The following ERBB4 variants were observed in gnomAD, a reference collection of about 807,000 sequenced individuals.
The protein encoded by ERBB4 is receptor tyrosine-protein kinase erbB-4.
ERBB4 carries 42 observed loss-of-function variants against 158.0 expected under a neutral mutation model. The ratio of observed to expected loss-of-function variants is 0.27; its 90% confidence interval spans 0.21 to 0.34. The LOEUF is 0.34. ERBB4 is among the 10% of genes least tolerant of loss of function. ERBB4 has a pLI of 1.00. For missense variants in ERBB4, 1,333 were observed against 1,624.1 expected, an observed-to-expected ratio of 0.82 and a Z score of 3.08; for synonymous variants, 583 against 558.7, an observed-to-expected ratio of 1.04 and a Z score of -0.61.
At chr2:212,411,362 C>T (rs969580178) in intron 1 of ERBB4, among the ~76,000 whole-genome samples, 3 of 151,858 alleles carry the variant, frequency 2.0e-5, no homozygotes, top group East Asian at 1.9e-4. Context: ...TTAGAAATTC[C>T]CATTATATTT....
intron 3 of ERBB4, among the ~76,000 whole-genome samples, chr2:211,807,630 ACG>A: frequency 6.6e-6 from 1 of 152,210 alleles, no homozygotes. Context: ...TTACAGTAGC[ACG>A]ATGTATAATC....
At chr2:211,549,158 C>T (rs2067016139) in intron 20 of ERBB4, among the ~76,000 whole-genome samples, 1 of 151,900 alleles carries the variant, frequency 6.6e-6, no homozygotes, top group African/African-American at 2.4e-5. Flanking sequence ...ATCTGGGCTC[C>T]CTATGTGGAA....
chr2:212,155,768 A>G (rs2081017760), intron 1 of ERBB4, among the ~76,000 whole-genome samples: 1 of 152,160 alleles, frequency 6.6e-6, no homozygotes, highest in African/African-American at 2.4e-5. Flanking sequence ...GTCATCAATA[A>G]ATAATCACAG....
chr2:212,438,703 C>T (rs2092189506), intron 1 of ERBB4, among the ~76,000 whole-genome samples: 1 of 152,016 alleles, frequency 6.6e-6, no homozygotes, highest in African/African-American at 2.4e-5. Flanking sequence ...TCCTTAGCTT[C>T]CCGTTAATCT....
intron 20 of ERBB4, among the ~76,000 whole-genome samples, chr2:211,445,267 A>AC (rs933044962): frequency 7.2e-5 from 11 of 152,158 alleles, no homozygotes; most frequent in African/African-American, 2.7e-4. Context: ...ATCAATTGGG[A>AC]TACTATAATA....
intron 19 of ERBB4, among the ~76,000 whole-genome samples, chr2:211,605,161 G>C (rs1268993328): frequency 6.6e-6 from 1 of 152,058 alleles, no homozygotes; most frequent in Non-Finnish European, 1.5e-5. Context: ...CTCTGATATT[G>C]TTTTATGAAG....
intron 2 of ERBB4, among the ~76,000 whole-genome samples, chr2:212,044,690 C>A (rs924436274): frequency 3.3e-5 from 5 of 152,092 alleles, no homozygotes; most frequent in Non-Finnish European, 2.9e-5. Flanking sequence ...GGATGCAATG[C>A]TTATTGTTGG....
intron 3 of ERBB4, among the ~76,000 whole-genome samples, chr2:211,905,050 A>G (rs1689836567): frequency 6.6e-6 from 1 of 152,128 alleles, no homozygotes; most frequent in Non-Finnish European, 1.5e-5. Context: ...AAAAAACAGC[A>G]CAAACTTACC....
At chr2:212,148,680 A>T (rs887872665) in intron 1 of ERBB4, among the ~76,000 whole-genome samples, 3 of 152,048 alleles carry the variant, frequency 2.0e-5, no homozygotes, top group African/African-American at 7.2e-5. Context: ...AAAATAAAGG[A>T]CTATAAATCA....
rs566255990 is a variant in ERBB4, at chr2:211,632,616, T to TTTGTTTGTTGTTTGTTG, written c.1947-2023_1947-2022insCAACAAACAACAAACAA. Among the ~76,000 whole-genome samples the TTTGTTTGTTGTTTGTTG allele has an allele frequency of 2.5e-5, 3 of 118,236 alleles. No homozygotes were observed. The South Asian group carries it at 7.7e-4, about 31-fold the overall frequency. The allele number at this position is 118,236 out of a possible 152,430, so 77.6% of individuals were successfully genotyped here. On this transcript the variant is annotated intron_variant, in intron 16 of 27. Transcript: ENST00000342788. ...AGAAAACGCTCTATTTTGTTTTTTG[T>TTTGTTTGTTGTTTGTTG]TTGTTTCTTTGTTTGTTGTTGTTGT...
chr2:211,785,295 G>T (rs898510885), intron 4 of ERBB4, among the ~76,000 whole-genome samples: 4 of 151,970 alleles, frequency 2.6e-5, no homozygotes, highest in Admixed American at 2.6e-4. Flanking sequence ...TAGAGGCGGG[G>T]TTTCACCGTG....
At chr2:211,920,872 CAG>C (rs2079840620) in intron 3 of ERBB4, among the ~76,000 whole-genome samples, 1 of 151,814 alleles carries the variant, frequency 6.6e-6, no homozygotes, top group African/African-American at 2.4e-5. Context: ...CTTTGAACAA[CAG>C]AGTGTGTTAA....
chr2:212,171,310 G>T lies in ERBB4; in HGVS notation c.83-46407C>A, dbSNP rs146248564. 2.7e-3 allele frequency among the ~76,000 whole-genome samples: 391 copies of T among 143,436 alleles called. 2 individuals carry two copies. Among genetic ancestry groups the T allele is most frequent in the South Asian group, 5.7e-3 (26 of 4,536 alleles). The allele number at this position is 143,436 out of a possible 152,430, so 94.1% of individuals were successfully genotyped here. A position where few individuals can be genotyped will look rare whatever the true frequency, so the allele number is the denominator to read the frequency against. ...ATGCCCATACCCCCATTGTATCTTGGAAGTAACTAACTTGTTTTTTTTTTA... is the reference window on the plus strand; with the variant it reads ...ATGCCCATACCCCCATTGTATCTTGTAAGTAACTAACTTGTTTTTTTTTTA... On this transcript the variant is annotated intron_variant, in intron 1 of 27. Coordinates refer to ENST00000342788, the MANE Select transcript of ERBB4 (RefSeq NM_005235.3).
chr2:211,472,681 TTCAA>T (rs2064856933), intron 20 of ERBB4, among the ~76,000 whole-genome samples: 1 of 151,964 alleles, frequency 6.6e-6, no homozygotes, highest in Non-Finnish European at 1.5e-5. Flanking sequence ...TTACTTATTC[TTCAA>T]TCAGTCACAT....
intron 1 of ERBB4, among the ~76,000 whole-genome samples, chr2:212,520,271 G>A (rs1290470239): frequency 6.6e-6 from 1 of 151,812 alleles, no homozygotes; most frequent in Non-Finnish European, 1.5e-5. Flanking sequence ...TTATTGCTTT[G>A]CAGTAAAGTA....
chr2:212,058,303 C>A (rs1036078497), intron 2 of ERBB4, among the ~76,000 whole-genome samples: 1 of 152,110 alleles, frequency 6.6e-6, no homozygotes, highest in Non-Finnish European at 1.5e-5. Context: ...AGTTAATAGC[C>A]TGCCACCCAA....
chr2:211,436,532 C>T (rs2125444046), intron 20 of ERBB4, among the ~76,000 whole-genome samples: 1 of 152,318 alleles, frequency 6.6e-6, no homozygotes, highest in East Asian at 1.9e-4. Flanking sequence ...ATGCAAAGCA[C>T]TTAAATAGCA....
At chr2:211,825,009 T>C (rs559790862) in intron 3 of ERBB4, among the ~76,000 whole-genome samples, 3 of 152,088 alleles carry the variant, frequency 2.0e-5, no homozygotes, top group African/African-American at 7.2e-5. Context: ...GAAAGATTAT[T>C]ATGATTGCAT....
intron 4 of ERBB4, among the ~76,000 whole-genome samples, chr2:211,751,593 T>G (rs2075130400): frequency 6.6e-6 from 1 of 152,242 alleles, no homozygotes; most frequent in Non-Finnish European, 1.5e-5. Flanking sequence ...TTAAACATTG[T>G]CAATTGTTTA....
Sources: allele counts gnomAD v4.1 joint callset (sites outside exome capture counted in the v4.1 genomes callset), GRCh38; gene constraint gnomAD v4.1.1; transcripts MANE v1.5; gene names NCBI Gene and HGNC (gene_info 2026-07-23, HGNC 2026-07-21).